Variants in DENND10 observed in about 807,000 individuals in gnomAD.
DENND10 encodes the protein DENN domain-containing protein 10.
Under a neutral mutation model 43.6 loss-of-function variants are expected in DENND10, and 24 were observed. The ratio of observed to expected loss-of-function variants is 0.55; its 90% CI spans 0.40 to 0.77. The LOEUF (loss-of-function observed/expected upper bound fraction) is 0.77. Among genes scored for constraint, DENND10 ranks in the 30% least tolerant of loss-of-function variants. The pLI, the probability that DENND10 is intolerant of heterozygous loss-of-function variation, is 0.00. For synonymous variants in DENND10, 125 were observed against 157.6 expected (o/e 0.79, Z 1.55); for missense variants, 303 against 429.9 (o/e 0.70, Z 2.61).
At chr10:119,109,661 C>T (rs370187145) in intron 2 of DENND10, among the ~76,000 whole-genome samples, 3 of 151,094 alleles carry the variant, frequency 2.0e-5, no homozygotes, top group African/African-American at 4.9e-5. Flanking sequence ...TCTTGTTGCC[C>T]GGGCTGGATT....
chr10:119,119,822 A>G (rs568501897), intron 4 of DENND10, among the ~76,000 whole-genome samples: 5 of 151,094 alleles, frequency 3.3e-5, no homozygotes, highest in Admixed American at 2.6e-4. Context: ...AGCTTCCTCT[A>G]TGCATCCCAT....
intron 3 of DENND10, among the ~76,000 whole-genome samples, chr10:119,113,867 C>A (rs1845107123): frequency 6.6e-6 from 1 of 152,174 alleles, no homozygotes; most frequent in South Asian, 2.1e-4. Flanking sequence ...AAACAGTTGT[C>A]TGCTAATGTG....
At chr10:119,111,302 C>G (rs1026085890) in intron 2 of DENND10, among the ~76,000 whole-genome samples, 4 of 148,104 alleles carry the variant, frequency 2.7e-5, no homozygotes, top group Non-Finnish European at 5.9e-5. Flanking sequence ...ATATATACAT[C>G]TATTATGTAT....
chr10:119,117,774 T>G, intron 4 of DENND10, 107 bp downstream of exon 4: 1 of 1,066,966 alleles, frequency 9.4e-7, no homozygotes, highest in Non-Finnish European at 1.3e-6. Context: ...GAGACCATCC[T>G]GGTTAACATG....
chr10:119,116,737 C>G (rs944889951), intron 3 of DENND10, among the ~76,000 whole-genome samples: 1 of 148,452 alleles, frequency 6.7e-6, no homozygotes, highest in East Asian at 2.0e-4. Flanking sequence ...GGTGCAATCT[C>G]GGCTCATTGT....
intron 6 of DENND10, among the ~76,000 whole-genome samples, chr10:119,126,241 G>A (rs1589739714): frequency 1.3e-5 from 2 of 152,076 alleles, no homozygotes; most frequent in Non-Finnish European, 2.9e-5. Flanking sequence ...CTTGGTGGTT[G>A]TGAACCGTGC....
chr10:119,117,166 G>A (rs1845328727), intron 3 of DENND10, among the ~76,000 whole-genome samples: 2 of 151,386 alleles, frequency 1.3e-5, no homozygotes, highest in African/African-American at 4.8e-5. Context: ...GAGGTCAGGA[G>A]TTTGAGACCA....
intron 1 of DENND10, among the ~76,000 whole-genome samples, chr10:119,106,327 C>T (rs1844695618): frequency 6.6e-6 from 1 of 152,154 alleles, no homozygotes; most frequent in African/African-American, 2.4e-5. Context: ...AATGGTAATT[C>T]TGTTTTCAAT....
intron 6 of DENND10, among the ~76,000 whole-genome samples, chr10:119,127,982 T>C (rs989092454): frequency 1.8e-4 from 27 of 151,982 alleles, no homozygotes; most frequent in African/African-American, 6.3e-4. Flanking sequence ...GAATGATAAA[T>C]TGGTCCTGTA....
In DENND10 at chr10:119,104,148, T is replaced by A. The variant is rs1342141706; in HGVS notation, c.6T>A (p.Ala2=). The A allele has an allele frequency of 2.0e-6, 3 of 1,514,952 alleles. No individual in the cohort carries two copies. The African/African-American group carries it at 4.3e-5, about 22-fold the overall frequency. The allele number at this position is 1,514,952 out of a possible 1,614,324, so 93.8% of individuals were successfully genotyped here. A position where few individuals can be genotyped will look rare whatever the true frequency, so the allele number is the denominator to read the frequency against. Residue 2 remains alanine, a synonymous_variant, in exon 1 of 9, where the codon GCT becomes GCA. Coordinates refer to ENST00000361432, the MANE Select transcript of DENND10 (RefSeq NM_207009.4). ...GCGCGCCGCGGCGGCGGAAGATGGC[T>A]GCGGCCGAGGTGGCGGACACTCAGC... M[A]AAEVADTQLM... is the part of the protein sequence containing the mutation.
intron 3 of DENND10, among the ~76,000 whole-genome samples, chr10:119,114,801 A>T: frequency 2.1e-5 from 3 of 146,306 alleles, no homozygotes; most frequent in South Asian, 2.2e-4. Flanking sequence ...ATAGAGTTTC[A>T]CTCTGTCACC....
intron 8 of DENND10, 40 bp from the exon 9 acceptor site, chr10:119,136,431 G>T (rs755225744): frequency 8.3e-6 from 13 of 1,566,600 alleles, no homozygotes; most frequent in Non-Finnish European, 1.1e-5. Context: ...TCAAATTTCG[G>T]ATACTAACAT....
intron 4 of DENND10, among the ~76,000 whole-genome samples, chr10:119,118,440 G>A (rs1245049955): frequency 6.6e-6 from 1 of 152,184 alleles, no homozygotes; most frequent in Non-Finnish European, 1.5e-5. Flanking sequence ...AATCCAAAAT[G>A]CAGACAGCTC....
At chr10:119,130,848 C>T (rs368921077) in intron 7 of DENND10, among the ~76,000 whole-genome samples, 2 of 152,018 alleles carry the variant, frequency 1.3e-5, no homozygotes, top group Non-Finnish European at 2.9e-5. Context: ...GTGAGTGACC[C>T]GAGAGAGAAA....
chr10:119,131,942 G>A (rs1846106171), intron 7 of DENND10, among the ~76,000 whole-genome samples: 1 of 152,240 alleles, frequency 6.6e-6, no homozygotes, highest in African/African-American at 2.4e-5. Context: ...ATCCGCACCA[G>A]TTGAATGGAG....
At chr10:119,125,310 C>CT (rs371312896) in intron 6 of DENND10, among the ~76,000 whole-genome samples, 19 of 148,096 alleles carry the variant, frequency 1.3e-4, no homozygotes, top group Admixed American at 4.1e-4. Flanking sequence ...TTATCAGTGA[C>CT]TTTTTTTTTT....
At chr10:119,123,764 A>C (rs927854268) in intron 6 of DENND10, among the ~76,000 whole-genome samples, 195 bp downstream of exon 6, 14 of 151,804 alleles carry the variant, frequency 9.2e-5, no homozygotes, top group Non-Finnish European at 2.1e-4. Context: ...ACGCCTGGCT[A>C]ATTTTATTCC....
chr10:119,136,529 C>G lies in DENND10; in HGVS notation c.956C>G (p.Ser319Trp), dbSNP rs771525073. ...FTNLAPFSEV[S>W]ADGEKRVLNL... ...AACCTAGCACCGTTTTCAGAAGTTT[C>G]GGCTGATGGAGAAAAGAGAGTCCTT... Residue 319 changes from serine to tryptophan, a missense_variant, in exon 9 of 9, where the codon TCG (serine) becomes TGG (tryptophan). Ser to Trp is a radical substitution (Grantham distance 177, BLOSUM62 -3). Transcript: ENST00000361432. 1 of 1,591,820 alleles carries G rather than the reference C, an allele frequency of 6.3e-7. No homozygotes were observed. The highest frequency in any genetic ancestry group is 8.5e-7 in the Non-Finnish European group (1 of 1,174,184).
At position 119,117,625 on chromosome 10, in the gene DENND10, G is replaced by A; in HGVS notation, c.439G>A (p.Asp147Asn). The A allele has an allele frequency of 6.2e-7, 1 of 1,614,082 alleles. No individual in the cohort carries two copies. The highest frequency in any genetic ancestry group is 8.5e-7 in the Non-Finnish European group (1 of 1,179,980). ...AGAAAACGGCTCTTTCCTTAGTAAG[G>A]ATTTTGATGCCCGAAAGGCCTACCT... Reference protein sequence around the residue: ...SEENGSFLSKDFDARKAYLAG... With the variant: ...SEENGSFLSKNFDARKAYLAG... Residue 147 changes from aspartate (D) to asparagine (N), a missense_variant, in exon 4 of 9, where the codon GAT becomes AAT. Asp to Asn is a conservative substitution (Grantham distance 23). Transcript: ENST00000361432.
Sources: allele counts gnomAD v4.1 joint callset (sites outside exome capture counted in the v4.1 genomes callset), GRCh38; gene constraint gnomAD v4.1.1; transcripts MANE v1.5; gene names NCBI Gene and HGNC (gene_info 2026-07-23, HGNC 2026-07-21).